The following MCM5 variants were observed in gnomAD, a reference collection of about 807,000 sequenced individuals.
MCM5 encodes DNA replication licensing factor MCM5.
In MCM5, 46 loss-of-function variants were observed where a neutral mutation model predicts 79.9. The observed-to-expected ratio is 0.58, with a 90% CI of 0.45 to 0.74. MCM5 has a LOEUF of 0.74. Ranked by LOEUF, MCM5 falls within the 30% of genes least tolerant of loss-of-function variation. The pLI is 0.00. For synonymous variants in MCM5, 404 were observed against 390.5 expected, an observed-to-expected ratio of 1.03 and a Z score of -0.41; for missense variants, 883 against 1,017.0, an observed-to-expected ratio of 0.87 and a Z score of 1.79.
rs133421 is a variant in MCM5 at position 35,416,511 on chromosome 22, CTGTGTGTGTGTGTGTGTGTGTGTG to C, written c.1414-89_1414-66del. On this transcript the variant is annotated intron_variant, in intron 11 of 16. Transcript: ENST00000216122. The stretch of plus-strand genomic sequence containing the variant: ...AGTTCTCTTTGCCCAGGCCTAGAAT[CTGTGTGTGTGTGTGTGTGTGTGTG>C]TGTGTGTGTGTGTGTGTGTGTGTGT... The C allele has an allele frequency of 4.5e-3, 4,600 of 1,023,968 alleles. 25 individuals carry two copies. Among genetic ancestry groups the C allele is most frequent in the African/African-American group, 0.023 (1,272 of 56,230 alleles). The allele number at this position is 1,023,968 out of a possible 1,614,324, so 63.4% of individuals were successfully genotyped here.
At chr22:35,420,083 C>G (rs1299309545) in intron 14 of MCM5, 71 bp downstream of exon 14, 2 of 1,516,850 alleles carry the variant, frequency 1.3e-6, no homozygotes, top group Non-Finnish European at 1.8e-6. Context: ...GCTTGGCAAC[C>G]AGGGGCAGTG....
Position 35,425,110 on chromosome 22 carries a change from GA to G in MCM5, c.*857del, listed in dbSNP as rs1026830907. 6.6e-6 allele frequency: 1 copy of G among 152,232 alleles called. No homozygotes were observed. Among genetic ancestry groups the G allele is most frequent in the African/African-American group, 2.4e-5 (1 of 41,456 alleles). The allele number at this position is 152,232 out of a possible 1,614,324, so 9.4% of individuals were successfully genotyped here. Reference sequence around the variant, plus strand: ...CCTGAGTTGTGAGGATTGAATGACAGAAGGCACTAGTGACAGTGATGCTGGA... The same window carrying G: ...CCTGAGTTGTGAGGATTGAATGACAGAGGCACTAGTGACAGTGATGCTGGA... On this transcript the variant is annotated 3_prime_UTR_variant, in exon 17 of 17. Coordinates refer to ENST00000216122, the MANE Select transcript of MCM5 (RefSeq NM_006739.4).
chr22:35,445,701 G>A, the MCM5 span, among the ~76,000 whole-genome samples: 2 of 152,046 alleles, frequency 1.3e-5, no homozygotes, highest in Admixed American at 1.3e-4. Context: ...AGTAGAGATA[G>A]GGTTTCACCA....
At chr22:35,419,802 G>A in intron 13 of MCM5, 82 bp from the exon 14 acceptor site, 3 of 1,445,450 alleles carry the variant, frequency 2.1e-6, no homozygotes, top group Non-Finnish European at 2.8e-6. Flanking sequence ...ATGTCTGTAA[G>A]CTGGCAGGGG....
At chr22:35,417,431 T>G (rs133423) in intron 12 of MCM5, among the ~76,000 whole-genome samples, 9 of 152,116 alleles carry the variant, frequency 5.9e-5, no homozygotes, top group South Asian at 2.1e-4. Flanking sequence ...GGGTAGATCC[T>G]ATGTCCATGC....
At chr22:35,410,107 G>A (rs941823957) in intron 6 of MCM5, 1 of 155,268 alleles carries the variant, frequency 6.4e-6, no homozygotes, top group Admixed American at 6.3e-5. Context: ...CAACATGAGA[G>A]GCAGGCCACT....
chr22:35,417,936 C>T (rs983705960), intron 13 of MCM5, 80 bp downstream of exon 13: 3 of 937,174 alleles, frequency 3.2e-6, no homozygotes, highest in African/African-American at 3.2e-5. Flanking sequence ...CCTGGTCCTG[C>T]TCCTCCTCAT....
chr22:35,442,708 G>A, the MCM5 span, among the ~76,000 whole-genome samples: 4 of 152,198 alleles, frequency 2.6e-5, no homozygotes, highest in African/African-American at 9.6e-5. Flanking sequence ...TGATTACATT[G>A]GGCTCATCCT....
At chr22:35,445,753 G>A in the MCM5 span, among the ~76,000 whole-genome samples, 2 of 151,936 alleles carry the variant, frequency 1.3e-5, no homozygotes, top group Non-Finnish European at 2.9e-5. Flanking sequence ...TCAGGTGATC[G>A]GCCCTCCTTG....
chr22:35,423,393 T>C, intron 16 of MCM5, 52 bp downstream of exon 16: 1 of 1,538,196 alleles, frequency 6.5e-7, no homozygotes, highest in Non-Finnish European at 8.8e-7. Flanking sequence ...GCAGGTCTTC[T>C]GCTGGTTCCC....
At chr22:35,424,055 A>T in intron 16 of MCM5, 99 bp from the exon 17 acceptor site, 1 of 732,952 alleles carries the variant, frequency 1.4e-6, no homozygotes, top group Non-Finnish European at 2.3e-6. Context: ...AGGTCAAAGG[A>T]GCCTGAGTAC....
chr22:35,411,319 A>G (rs1205138610), intron 7 of MCM5: 1 of 164,122 alleles, frequency 6.1e-6, no homozygotes, highest in African/African-American at 2.4e-5. Context: ...GTTGTGGGTC[A>G]CGCAGTTCCA....
the MCM5 span, among the ~76,000 whole-genome samples, chr22:35,449,403 G>T: frequency 6.6e-6 from 1 of 152,086 alleles, no homozygotes; most frequent in African/African-American, 2.4e-5. Flanking sequence ...TGGCCTCTCT[G>T]TCCCAGCCAT....
chr22:35,402,300 T>TGC (rs1357465698), intron 2 of MCM5, among the ~76,000 whole-genome samples: 1 of 151,856 alleles, frequency 6.6e-6, no homozygotes, highest in Admixed American at 6.6e-5. Flanking sequence ...GCTGCCTTGG[T>TGC]GCCTCCAGTT....
chr22:35,428,651 AG>A (rs1932792806), downstream of MCM5, among the ~76,000 whole-genome samples: 1 of 152,162 alleles, frequency 6.6e-6, no homozygotes, highest in East Asian at 1.9e-4. Flanking sequence ...GTTGTAAGGT[AG>A]TAAGCTCCCT....
At chr22:35,427,269 G>A (rs1018329793), downstream of MCM5, among the ~76,000 whole-genome samples, 1 of 152,192 alleles carries the variant, frequency 6.6e-6, no homozygotes, top group African/African-American at 2.4e-5. Flanking sequence ...TGGAAATAAA[G>A]ATGGCCCATA....
intron 1 of MCM5, 97 bp downstream of exon 1, chr22:35,400,305 G>A: frequency 1.0e-6 from 1 of 986,514 alleles, no homozygotes; most frequent in African/African-American, 1.6e-5. Flanking sequence ...GGGAACTGGG[G>A]TTGGAGTCCG....
At chr22:35,404,148 T>C (rs984638383) in intron 4 of MCM5, among the ~76,000 whole-genome samples, 1 of 151,338 alleles carries the variant, frequency 6.6e-6, no homozygotes, top group Non-Finnish European at 1.5e-5. Flanking sequence ...TGACACTTTA[T>C]CCCGAAAAAA....
At chr22:35,438,192 C>T in the MCM5 span, among the ~76,000 whole-genome samples, 1 of 152,044 alleles carries the variant, frequency 6.6e-6, no homozygotes, top group African/African-American at 2.4e-5. Context: ...GACTTCCATC[C>T]ATTCATCCAT....
Sources: allele counts gnomAD v4.1 joint callset (sites outside exome capture counted in the v4.1 genomes callset), GRCh38; gene constraint gnomAD v4.1.1; transcripts MANE v1.5; gene names NCBI Gene and HGNC (gene_info 2026-07-23, HGNC 2026-07-21).